Variants in UGT1A9 observed in about 807,000 individuals in gnomAD.
UGT1A9 encodes the protein UDP-glucuronosyltransferase 1A9.
UGT1A9 carries 35 observed loss-of-function variants against 45.0 expected under a neutral mutation model. The ratio of observed to expected loss-of-function variants is 0.78; its 90% CI spans 0.59 to 1.03. The LOEUF is 1.03. Among genes scored for constraint, UGT1A9 ranks in the 50% least tolerant of loss-of-function variants. The pLI is 0.00. For synonymous variants in UGT1A9, 278 were observed against 250.6 expected (o/e 1.11, Z -1.03); for missense variants, 687 against 666.6 (o/e 1.03, Z -0.34).
chr2:233,747,463 G>A lies in UGT1A9; in HGVS notation c.856-19571G>A, dbSNP rs564672570. 1.6e-5 allele frequency: 25 copies of A among 1,608,790 alleles called. No homozygotes were observed. The South Asian group carries it at 2.7e-4, about 18-fold the overall frequency. ...ACCCTGACAACCTATGCCATTTCAT[G>A]GACCCAGGATGAATTTGATCGCCTT... On this transcript the variant is annotated intron_variant, in intron 1 of 4. Coordinates refer to ENST00000354728, the MANE Select transcript of UGT1A9 (RefSeq NM_021027.3).
At chr2:233,766,896 A>G (rs1384164988) in intron 1 of UGT1A9, 138 bp from the exon 2 acceptor site, 7 of 1,480,032 alleles carry the variant, frequency 4.7e-6, no homozygotes, top group Non-Finnish European at 6.2e-6. Context: ...TTACATATTA[A>G]TAATTTTTTA....
At chr2:233,746,789 T>C (rs1693473913) in intron 1 of UGT1A9, among the ~76,000 whole-genome samples, 1 of 151,828 alleles carries the variant, frequency 6.6e-6, no homozygotes, top group South Asian at 2.1e-4. Context: ...TCTGTTGTAA[T>C]TCATGAGCGT....
intron 1 of UGT1A9, among the ~76,000 whole-genome samples, chr2:233,736,806 A>C (rs1345730820): frequency 6.6e-6 from 1 of 152,210 alleles, no homozygotes; most frequent in African/African-American, 2.4e-5. Context: ...AGTTTGCTGG[A>C]GGTCCACTCC....
intron 1 of UGT1A9, chr2:233,747,193 C>T (rs1693585956): frequency 1.9e-6 from 3 of 1,603,982 alleles, no homozygotes; most frequent in Non-Finnish European, 2.6e-6. Flanking sequence ...GGACAGTCAG[C>T]TGTCCGTGTC....
At chr2:233,743,761 G>A (rs767554453) in intron 1 of UGT1A9, 25 of 1,367,324 alleles carry the variant, frequency 1.8e-5, no homozygotes, top group Admixed American at 5.7e-5. Flanking sequence ...ACACCTCGTA[G>A]GCCTCGGCCA....
chr2:233,753,656 A>G (rs554176629), intron 1 of UGT1A9: 2 of 152,198 alleles, frequency 1.3e-5, no homozygotes, highest in Non-Finnish European at 2.9e-5. Flanking sequence ...TACTTTCTCA[A>G]TTGTGTGTAT....
intron 1 of UGT1A9, among the ~76,000 whole-genome samples, chr2:233,736,837 T>TC (rs1251253473): frequency 1.3e-5 from 2 of 152,214 alleles, no homozygotes. Flanking sequence ...TGCTTTGGTA[T>TC]CACCAGTGGA....
intron 1 of UGT1A9, chr2:233,761,197 G>A (rs369591851): frequency 3.7e-6 from 6 of 1,613,996 alleles, no homozygotes; most frequent in Non-Finnish European, 5.1e-6. Flanking sequence ...TCTTTCAGAT[G>A]TATTACTTTG....
chr2:233,702,967 T>A (rs28899180), intron 1 of UGT1A9, among the ~76,000 whole-genome samples: 1,929 of 152,294 alleles, frequency 0.013, 44 homozygotes, highest in African/African-American at 0.043. Flanking sequence ...ACTGGCCTTG[T>A]AGAAGAAACT....
At chr2:233,755,500 A>G (rs1249263278) in intron 1 of UGT1A9, 1 of 181,898 alleles carries the variant, frequency 5.5e-6, no homozygotes, top group Non-Finnish European at 1.2e-5. Flanking sequence ...ATGCTCCAAG[A>G]CCAGGCCCCG....
chr2:233,728,813 A>G (rs1159466657), intron 1 of UGT1A9, among the ~76,000 whole-genome samples: 11 of 152,216 alleles, frequency 7.2e-5, no homozygotes. Flanking sequence ...AGACAGTGAC[A>G]TGAAATGGGT....
chr2:233,711,393 C>T (rs2076178723), intron 1 of UGT1A9, among the ~76,000 whole-genome samples: 1 of 152,238 alleles, frequency 6.6e-6, no homozygotes, highest in South Asian at 2.1e-4. Context: ...AGGTGTGTTC[C>T]ACCCTCACCC....
At chr2:233,719,828 G>A in intron 1 of UGT1A9, 1 of 1,554,886 alleles carries the variant, frequency 6.4e-7, no homozygotes, top group Non-Finnish European at 8.7e-7. Flanking sequence ...AACTGTTGAG[G>A]GGCCTAGTGT....
At chr2:233,695,871 C>T (rs182203911) in intron 1 of UGT1A9, among the ~76,000 whole-genome samples, 133 of 152,210 alleles carry the variant, frequency 8.7e-4, no homozygotes, top group Non-Finnish European at 1.8e-3. Flanking sequence ...CAACAAACAA[C>T]GCAGAAAACT....
rs1209957250 is a variant in UGT1A9 at position 233,691,739 on chromosome 2, T to G, written c.855+18950T>G. On this transcript the variant is annotated intron_variant, in intron 1 of 4. Coordinates refer to ENST00000354728, the MANE Select transcript of UGT1A9 (RefSeq NM_021027.3). ...GATGGGTGGCTGGGCCAGAAGCAGATACCAGGCTTTCTGACTCCTGCTCTA... is the reference window on the plus strand; with the variant it reads ...GATGGGTGGCTGGGCCAGAAGCAGAGACCAGGCTTTCTGACTCCTGCTCTA... 4 of 680,470 alleles carry G rather than the reference T, an allele frequency of 5.9e-6. No homozygotes were observed. The East Asian group carries it at 4.0e-4, about 68-fold the overall frequency. 42.2% of individuals were successfully genotyped at this position (680,470 alleles called of 1,614,324 possible). A position where few individuals can be genotyped will look rare whatever the true frequency, so the allele number is the denominator to read the frequency against.
In UGT1A9 at chr2:233,743,578, G is replaced by T. The variant is rs1397276736; in HGVS notation, c.856-23456G>T. The T allele has an allele frequency of 3.7e-6, 5 of 1,367,200 alleles. No homozygotes were observed. The Admixed American group carries it at 9.5e-5, about 26-fold the overall frequency. The allele number at this position is 1,367,200 out of a possible 1,614,324, so 84.7% of individuals were successfully genotyped here. On this transcript the variant is annotated intron_variant, in intron 1 of 4. Transcript: ENST00000354728. ...TATTCTCCAGCGGGTTTCCCAAGAGGTCAAAGGAGAATGGGTCCTGGCCGC... is the reference window on the plus strand; with the variant it reads ...TATTCTCCAGCGGGTTTCCCAAGAGTTCAAAGGAGAATGGGTCCTGGCCGC...
intron 1 of UGT1A9, chr2:233,693,273 G>T: frequency 6.2e-7 from 1 of 1,614,074 alleles, no homozygotes; most frequent in Non-Finnish European, 8.5e-7. Context: ...CTGAAGAACC[G>T]TTACCAATCA....
rs1457115854 is a variant in UGT1A9, at chr2:233,724,955, G to A, written c.856-42079G>A. The stretch of plus-strand genomic sequence containing the variant: ...ACTCCGTCTGCAATCCCGGCACCTC[G>A]GGAGGCCGAGGTTGGCGGATCACTC... On this transcript the variant is annotated intron_variant, in intron 1 of 4. Coordinates refer to ENST00000354728, the MANE Select transcript of UGT1A9 (RefSeq NM_021027.3). Among the ~76,000 whole-genome samples the A allele has an allele frequency of 3.5e-5, 5 of 143,484 alleles. 1 individual carries two copies. The highest frequency in any genetic ancestry group is 2.1e-4 in the East Asian group (1 of 4,762). The allele number at this position is 143,484 out of a possible 152,430, so 94.1% of individuals were successfully genotyped here.
At chr2:233,719,039 A>G in intron 1 of UGT1A9, 1 of 1,614,110 alleles carries the variant, frequency 6.2e-7, no homozygotes, top group Non-Finnish European at 8.5e-7. Context: ...AAGAAGAGAA[A>G]TTTTTCACCC....
Sources: gnomAD v4.1 joint callset for allele counts (sites outside exome capture counted in the v4.1 genomes callset) on GRCh38, gnomAD v4.1.1 for gene constraint, MANE v1.5 for transcripts, NCBI Gene and HGNC (gene_info 2026-07-23, HGNC 2026-07-21) for gene names.